PIGZ: variants seen among roughly 807,000 people sequenced by gnomAD.
The protein encoded by PIGZ is GPI alpha-1,2-mannosyltransferase 4.
A neutral mutation model predicts 16.4 loss-of-function variants in PIGZ; 16 were observed. That is an observed-to-expected ratio of 0.97 (90% confidence interval 0.66 to 1.48). The LOEUF (loss-of-function observed/expected upper bound fraction) is 1.48, where lower values mean the gene tolerates loss of function less well. Ranked by LOEUF, PIGZ falls within the 40% of genes most tolerant of loss-of-function variation. The pLI is 0.00. For missense variants in PIGZ, 770 were observed against 739.2 expected (o/e 1.04, Z -0.48); for synonymous variants, 409 against 338.4 (o/e 1.21, Z -2.29).
intron 1 of PIGZ, among the ~76,000 whole-genome samples, chr3:196,960,725 A>G (rs1479422669): frequency 2.2e-5 from 1 of 44,490 alleles, no homozygotes; most frequent in African/African-American, 8.4e-5. Flanking sequence ...GGAAAGAAAG[A>G]AAAGAAAGAA....
In PIGZ at chr3:196,947,325, A is replaced by G. The variant is rs1553835012; in HGVS notation, c.1572T>C (p.Pro524=). Residue 524 remains proline, a synonymous_variant, in exon 3 of 3, where the codon CCT becomes CCC. Transcript: ENST00000412723. ...PWLCRLFVVT[P]GTTRRAVEKC... ...TCTCCACGGCACGCCTGGTGGTGCC[A>G]GGGGTTACCACAAAGAGGCGGCAGA... 27 of 1,614,082 alleles carry G rather than the reference A, an allele frequency of 1.7e-5. 1 individual carries two copies. In the South Asian group the frequency reaches 2.6e-4, roughly 16 times the overall value.
chr3:196,960,788 C>T (rs1352706812), intron 1 of PIGZ, among the ~76,000 whole-genome samples: 1 of 109,400 alleles, frequency 9.1e-6, no homozygotes, highest in African/African-American at 3.2e-5. Flanking sequence ...ACCTGCCTAT[C>T]CTTTATGCCC....
At chr3:196,967,343 A>C (rs1297518044) in intron 1 of PIGZ, among the ~76,000 whole-genome samples, 1 of 152,144 alleles carries the variant, frequency 6.6e-6, no homozygotes, top group Non-Finnish European at 1.5e-5. Context: ...TGGCAGGGCC[A>C]TCAGGTGTGG....
chr3:196,956,777 T>TA (rs1717506356), intron 1 of PIGZ, among the ~76,000 whole-genome samples: 3 of 152,350 alleles, frequency 2.0e-5, no homozygotes, highest in South Asian at 4.1e-4. Context: ...AGTTGTTATA[T>TA]TTTTCATTTC....
intron 1 of PIGZ, among the ~76,000 whole-genome samples, chr3:196,967,061 A>G (rs2108923791): frequency 6.6e-6 from 1 of 151,692 alleles, no homozygotes; most frequent in South Asian, 2.1e-4. Flanking sequence ...GCAGGGAGAG[A>G]CCATCTCAGA....
At chr3:196,949,028 T>C (rs4916592) in intron 2 of PIGZ, among the ~76,000 whole-genome samples, 2,226 of 24,120 alleles carry the variant, frequency 0.092, 492 homozygotes, top group African/African-American at 0.13. Flanking sequence ...TCCCTTCCCT[T>C]CCTTCCCTTC....
In PIGZ at chr3:196,947,067, G is replaced by T; in HGVS notation, c.*90C>A. ...GAGTCATGAAGGAGGACGGGGTCCT[G>T]TCCCAGCGTCCCAGCCCAGCTACCC... On this transcript the variant is annotated 3_prime_UTR_variant, in exon 3 of 3. Coordinates refer to ENST00000412723, the MANE Select transcript of PIGZ (RefSeq NM_025163.4). 1.6e-6 allele frequency: 2 copies of T among 1,214,616 alleles called. No individual in the cohort carries two copies. The highest frequency in any genetic ancestry group is 1.1e-6 in the Non-Finnish European group (1 of 871,802). The allele number at this position is 1,214,616 out of a possible 1,614,324, so 75.2% of individuals were successfully genotyped here.
chr3:196,966,642 C>A (rs894277546), intron 1 of PIGZ, among the ~76,000 whole-genome samples: 2 of 152,176 alleles, frequency 1.3e-5, no homozygotes, highest in African/African-American at 4.8e-5. Flanking sequence ...ATAACAAATG[C>A]GGGAGCTCCA....
intron 1 of PIGZ, among the ~76,000 whole-genome samples, chr3:196,963,848 G>A (rs61488759): frequency 0.021 from 3,247 of 152,178 alleles, 122 homozygotes; most frequent in African/African-American, 0.072. Context: ...CCCCTTAAAT[G>A]TCAATGTTCC....
rs765063039 is a variant in PIGZ, at chr3:196,947,515, A to G, written c.1382T>C (p.Leu461Pro). The change falls in exon 3 of 3, where the codon CTC becomes CCC. Residue 461 changes from leucine to proline, a missense_variant. Transcript: ENST00000412723. The stretch of plus-strand genomic sequence containing the variant: ...GGGGGGCATGTAGGTGTGAGTGAAG[A>G]GGAGTGTGTAGTGGGTGGGTGTGCT... ...LPSTPTHYTLLFTHTYMPPRH... is the reference protein window; with the variant it reads ...LPSTPTHYTLPFTHTYMPPRH... The G allele has an allele frequency of 1.2e-6, 2 of 1,613,650 alleles. No homozygotes were observed. The highest frequency in any genetic ancestry group is 1.7e-6 in the Non-Finnish European group (2 of 1,179,970).
intron 1 of PIGZ, among the ~76,000 whole-genome samples, chr3:196,966,599 C>T (rs1057160027): frequency 1.5e-4 from 23 of 152,210 alleles, no homozygotes; most frequent in Non-Finnish European, 4.4e-5. Context: ...GGAGGTCCTC[C>T]GGAGAAGGTG....
In PIGZ at chr3:196,947,002, C is replaced by T; in HGVS notation, c.*155G>A. On this transcript the variant is annotated 3_prime_UTR_variant, in exon 3 of 3. Transcript: ENST00000412723. ...GAAGAGTGCCAGCTCACCCAGAAGG[C>T]AGAACAGCTAACAGCCATGCCCAGG... is the stretch of plus-strand genomic sequence containing the variant. 1 of 624,564 alleles carries T rather than the reference C, an allele frequency of 1.6e-6. No individual in the cohort carries two copies. The highest frequency in any genetic ancestry group is 2.7e-6 in the Non-Finnish European group (1 of 376,152). The allele number at this position is 624,564 out of a possible 1,614,324, so 38.7% of individuals were successfully genotyped here.
chr3:196,947,628 A>G lies in PIGZ; in HGVS notation c.1269T>C (p.Gly423=). ...KGTVVLFNAL[G]ALLFGCLHQG... is the part of the protein sequence containing the mutation. ...GATGCAGGCAGCCGAAGAGGAGGGC[A>G]CCGAGGGCGTTGAAGAGGACCACAG... Residue 423 remains glycine, a synonymous_variant, in exon 3 of 3, where the codon GGT becomes GGC. Transcript: ENST00000412723. 1.2e-6 allele frequency: 2 copies of G among 1,612,972 alleles called. No homozygotes were observed. The highest frequency in any genetic ancestry group is 8.5e-7 in the Non-Finnish European group (1 of 1,179,350).
intron 1 of PIGZ, among the ~76,000 whole-genome samples, chr3:196,966,461 C>T (rs1351375806): frequency 1.3e-5 from 2 of 152,238 alleles, no homozygotes; most frequent in Non-Finnish European, 2.9e-5. Flanking sequence ...CTGCAGGCGC[C>T]ATGCGCTGAC....
intron 1 of PIGZ, among the ~76,000 whole-genome samples, chr3:196,956,905 C>G (rs559976526): frequency 6.6e-6 from 1 of 152,156 alleles, no homozygotes. Context: ...TTTGATAACT[C>G]CAGCATCTAA....
intron 2 of PIGZ, among the ~76,000 whole-genome samples, chr3:196,949,946 G>T (rs1717203179): frequency 1.3e-5 from 2 of 152,058 alleles, no homozygotes; most frequent in African/African-American, 4.8e-5. Context: ...AGCCATCAGG[G>T]TTATGTCAGA....
chr3:196,951,755 G>C (rs1487184127), intron 2 of PIGZ, 66 bp downstream of exon 2: 1 of 1,507,138 alleles, frequency 6.6e-7, no homozygotes, highest in African/African-American at 1.4e-5. Flanking sequence ...TCCCCACAAA[G>C]TCTCCCGTCA....
At chr3:196,951,304 C>G (rs908666730) in intron 2 of PIGZ, among the ~76,000 whole-genome samples, 1 of 152,190 alleles carries the variant, frequency 6.6e-6, no homozygotes, top group Non-Finnish European at 1.5e-5. Flanking sequence ...ATGCCCATCA[C>G]ATCTGAAAGG....
chr3:196,947,133 G>A lies in PIGZ; in HGVS notation c.*24C>T, dbSNP rs748013687. ...CGGCATCTTCTATGGCTGAGTCTTG[G>A]GCAGTGGGTGCTCTGTCATATTGTC... is the stretch of plus-strand genomic sequence containing the variant. On this transcript the variant is annotated 3_prime_UTR_variant, in exon 3 of 3. Coordinates refer to ENST00000412723, the MANE Select transcript of PIGZ (RefSeq NM_025163.4). The A allele has an allele frequency of 9.8e-6, 15 of 1,526,638 alleles. No individual in the cohort carries two copies. Among genetic ancestry groups the A allele is most frequent in the Non-Finnish European group, 1.2e-5 (14 of 1,135,900 alleles). The allele number at this position is 1,526,638 out of a possible 1,614,324, so 94.6% of individuals were successfully genotyped here.
Sources: gnomAD v4.1 joint callset for allele counts (sites outside exome capture counted in the v4.1 genomes callset) on GRCh38, gnomAD v4.1.1 for gene constraint, MANE v1.5 for transcripts, NCBI Gene and HGNC (gene_info 2026-07-23, HGNC 2026-07-21) for gene names.